The following ZDHHC3 variants were observed in gnomAD, a reference collection of about 807,000 sequenced individuals.
ZDHHC3 encodes zDHHC palmitoyltransferase 3.
ZDHHC3 carries 9 observed loss-of-function variants against 30.6 expected under a neutral mutation model. That is an observed-to-expected ratio of 0.29 (90% CI 0.18 to 0.51). The LOEUF (loss-of-function observed/expected upper bound fraction) is 0.51. Among genes scored for constraint, ZDHHC3 ranks in the 20% least tolerant of loss-of-function variants. The pLI is 0.97. For synonymous variants in ZDHHC3, 136 were observed against 140.2 expected (o/e 0.97, Z 0.21); for missense variants, 246 against 384.2 (o/e 0.64, Z 3.01).
rs1700875612 is a variant in ZDHHC3, at chr3:44,925,090, A to G, written c.*1599T>C. On this transcript the variant is annotated 3_prime_UTR_variant, in exon 7 of 7. Coordinates refer to ENST00000424952, the MANE Select transcript of ZDHHC3 (RefSeq NM_001135179.2). ...AGACAGAGCAATGAAACAAACACCC[A>G]ACCAGAGAAAACTCAAGTAGATTGT... 2 of 985,798 alleles carry G rather than the reference A, an allele frequency of 2.0e-6. No individual in the cohort carries two copies. Among genetic ancestry groups the G allele is most frequent in the Non-Finnish European group, 2.4e-6 (2 of 829,956 alleles). 61.1% of individuals were successfully genotyped at this position (985,798 alleles called of 1,614,324 possible).
Position 44,918,804 on chromosome 3 carries a change from TGTCGGCTG to T in ZDHHC3, c.*7877_*7884del. ...AGCTGTCAACTCACCTGCCTCTGGG[TGTCGGCTG>T]CAACTCAGCCACCAGGCCACAGAAA... On this transcript the variant is annotated 3_prime_UTR_variant, in exon 7 of 7. Coordinates refer to ENST00000424952, the MANE Select transcript of ZDHHC3 (RefSeq NM_001135179.2). The T allele has an allele frequency of 1.0e-6, 1 of 987,280 alleles. No homozygotes were observed. The highest frequency in any genetic ancestry group is 6.0e-5 in the Admixed American group (1 of 16,618). The allele number at this position is 987,280 out of a possible 1,614,324, so 61.2% of individuals were successfully genotyped here.
At position 44,923,445 on chromosome 3, in the gene ZDHHC3, G is replaced by C. The variant is rs75154391; in HGVS notation, c.*3244C>G. On this transcript the variant is annotated 3_prime_UTR_variant, in exon 7 of 7. Transcript: ENST00000424952. Reference sequence around the variant, plus strand: ...CTAAACGGTTTCTGCATTAGGGGACGGTGGATTCTAACTATTTAAGTGGCC... The same window carrying C: ...CTAAACGGTTTCTGCATTAGGGGACCGTGGATTCTAACTATTTAAGTGGCC... The C allele has an allele frequency of 8.1e-6, 8 of 985,312 alleles. No individual in the cohort carries two copies. The highest frequency in any genetic ancestry group is 9.6e-6 in the Non-Finnish European group (8 of 829,916). The allele number at this position is 985,312 out of a possible 1,614,324, so 61.0% of individuals were successfully genotyped here.
At chr3:44,975,768 T>TCACACACACACACACA (rs1392636735) in intron 1 of ZDHHC3, among the ~76,000 whole-genome samples, 165 bp downstream of exon 1, 33 of 140,868 alleles carry the variant, frequency 2.3e-4, no homozygotes, top group South Asian at 9.1e-4. Flanking sequence ...TCTCTCTCTC[T>TCACACACACACACACA]CTCTCACACA....
At chr3:44,941,757 TA>T (rs199887044) in intron 3 of ZDHHC3, among the ~76,000 whole-genome samples, 2,614 of 117,056 alleles carry the variant, frequency 0.022, 38 homozygotes, top group African/African-American at 0.057. Flanking sequence ...GCTGATGAGC[TA>T]AAAAAAAAAA....
Position 44,959,342 on chromosome 3 carries a change from G to C in ZDHHC3, c.95C>G (p.Pro32Arg), listed in dbSNP as rs1401930489. ...EKCVPPPYPG[P>R]VGTMWFIRDG... Reference sequence around the variant, plus strand: ...ACGGATAAACCACATGGTTCCCACAGGACCAGGGTAGGGGGGTGGGACACA... The same window carrying C: ...ACGGATAAACCACATGGTTCCCACACGACCAGGGTAGGGGGGTGGGACACA... The change falls in exon 2 of 7, where the codon CCT becomes CGT. Residue 32 changes from proline (P) to arginine (R), a missense_variant. Physicochemically the swap from Pro to Arg is moderately radical, Grantham distance 103. Coordinates refer to ENST00000424952, the MANE Select transcript of ZDHHC3 (RefSeq NM_001135179.2). This position sits in a 1 kb window ranked among gnomAD's most constrained non-coding sequence, Gnocchi z 4.3. The C allele has an allele frequency of 6.2e-7, 1 of 1,614,230 alleles. No homozygotes were observed. Among genetic ancestry groups the C allele is most frequent in the East Asian group, 2.2e-5 (1 of 44,884 alleles).
intron 1 of ZDHHC3, among the ~76,000 whole-genome samples, chr3:44,965,623 C>T (rs1172188460): frequency 1.3e-5 from 2 of 152,092 alleles, no homozygotes; most frequent in African/African-American, 4.8e-5. Context: ...GCAAAAAAAC[C>T]CAAAACAAAA....
At chr3:44,932,816 A>G (rs555708210) in intron 5 of ZDHHC3, 25 of 1,249,316 alleles carry the variant, frequency 2.0e-5, no homozygotes, top group African/African-American at 3.0e-5. Context: ...GCTCCCACGC[A>G]TTGGAACCGG....
At chr3:44,957,855 T>A (rs898878361) in intron 2 of ZDHHC3, among the ~76,000 whole-genome samples, 1 of 152,242 alleles carries the variant, frequency 6.6e-6, no homozygotes, top group Non-Finnish European at 1.5e-5. Flanking sequence ...AAGAACAGTA[T>A]CTGGGGCTTA....
rs376854964 is a variant in ZDHHC3, at chr3:44,926,119, G to A, written c.*570C>T. On this transcript the variant is annotated 3_prime_UTR_variant, in exon 7 of 7. Coordinates refer to ENST00000424952, the MANE Select transcript of ZDHHC3 (RefSeq NM_001135179.2). ...AGTACAAGGCAGGCAATTGCTTTGCGAGTTAGCAGGCAAACCGTGTCCACT... is the reference window on the plus strand; with the variant it reads ...AGTACAAGGCAGGCAATTGCTTTGCAAGTTAGCAGGCAAACCGTGTCCACT... 5.1e-6 allele frequency: 5 copies of A among 985,712 alleles called. No individual in the cohort carries two copies. The highest frequency in any genetic ancestry group is 4.7e-5 in the South Asian group (1 of 21,294). The allele number at this position is 985,712 out of a possible 1,614,324, so 61.1% of individuals were successfully genotyped here. A position where few individuals can be genotyped will look rare whatever the true frequency, so the allele number is the denominator to read the frequency against.
At chr3:44,948,911 C>T (rs983641586) in intron 2 of ZDHHC3, among the ~76,000 whole-genome samples, 5 of 152,220 alleles carry the variant, frequency 3.3e-5, no homozygotes, top group African/African-American at 1.2e-4. Context: ...ACGTGCTTCC[C>T]CACTGAGGAT....
intron 1 of ZDHHC3, among the ~76,000 whole-genome samples, 178 bp downstream of exon 1, chr3:44,975,754 TC>T (rs1705890312): frequency 7.7e-6 from 1 of 129,060 alleles, no homozygotes; most frequent in African/African-American, 4.0e-5. Flanking sequence ...GGGGTCTCTC[TC>T]TCTCTCTCTC....
At chr3:44,927,674 CTG>C (rs1404503316) in intron 6 of ZDHHC3, among the ~76,000 whole-genome samples, 1 of 152,248 alleles carries the variant, frequency 6.6e-6, no homozygotes, top group Non-Finnish European at 1.5e-5. Context: ...CAGGAAAAAA[CTG>C]GGGCTGGGGA....
chr3:44,950,836 G>A (rs925497490), intron 2 of ZDHHC3, among the ~76,000 whole-genome samples: 1 of 152,206 alleles, frequency 6.6e-6, no homozygotes, highest in African/African-American at 2.4e-5. Flanking sequence ...GGAGATTGAA[G>A]GCCTGAGACA....
At position 44,918,910 on chromosome 3, in the gene ZDHHC3, C is replaced by A. The variant is rs1700400140; in HGVS notation, c.*7779G>T. 2.0e-6 allele frequency: 2 copies of A among 985,750 alleles called. No homozygotes were observed. Among genetic ancestry groups the A allele is most frequent in the Non-Finnish European group, 2.4e-6 (2 of 830,196 alleles). 61.1% of individuals were successfully genotyped at this position (985,750 alleles called of 1,614,324 possible). On this transcript the variant is annotated 3_prime_UTR_variant, in exon 7 of 7. Coordinates refer to ENST00000424952, the MANE Select transcript of ZDHHC3 (RefSeq NM_001135179.2). ...GCCAGCTCTCCAGGCCCACAACACC[C>A]TGCACAGAGGCCTTTGACCCTCCAC...
At chr3:44,932,824 C>T (rs1276002159) in intron 5 of ZDHHC3, 9 of 1,337,638 alleles carry the variant, frequency 6.7e-6, no homozygotes, top group Admixed American at 3.5e-5. Context: ...GCATTGGAAC[C>T]GGCCTCTGTG....
chr3:44,922,124 G>A lies in ZDHHC3; in HGVS notation c.*4565C>T, dbSNP rs145010200. Reference sequence around the variant, plus strand: ...GTACGCTGGTCAGTGGCTTGTTTCTGCTTCACTGTGAATTCTTTCTCTTCT... The same window carrying A: ...GTACGCTGGTCAGTGGCTTGTTTCTACTTCACTGTGAATTCTTTCTCTTCT... On this transcript the variant is annotated 3_prime_UTR_variant, in exon 7 of 7. Coordinates refer to ENST00000424952, the MANE Select transcript of ZDHHC3 (RefSeq NM_001135179.2). 6.1e-6 allele frequency: 6 copies of A among 985,412 alleles called. No homozygotes were observed. The East Asian group carries it at 6.8e-4, about 112-fold the overall frequency. 61.0% of individuals were successfully genotyped at this position (985,412 alleles called of 1,614,324 possible). A position where few individuals can be genotyped will look rare whatever the true frequency, so the allele number is the denominator to read the frequency against.
At chr3:44,975,504 C>T (rs1705844393) in intron 1 of ZDHHC3, 1 of 152,114 alleles carries the variant, frequency 6.6e-6, no homozygotes, top group South Asian at 2.1e-4. Context: ...GAGGTCCCAG[C>T]AAGGTAATGG....
At chr3:44,943,706 A>G (rs986546248) in intron 3 of ZDHHC3, among the ~76,000 whole-genome samples, 1 of 152,218 alleles carries the variant, frequency 6.6e-6, no homozygotes, top group Non-Finnish European at 1.5e-5. Flanking sequence ...GTAATTCAGC[A>G]TGTAAAGTTT....
rs1013117951 is a variant in ZDHHC3 at position 44,920,146 on chromosome 3, T to C, written c.*6543A>G. On this transcript the variant is annotated 3_prime_UTR_variant, in exon 7 of 7. Coordinates refer to ENST00000424952, the MANE Select transcript of ZDHHC3 (RefSeq NM_001135179.2). ...GTTACTTTTATAATCAGAACAAAAATAGTTGTTTCAGAAAATGGATCTTGT... is the reference window on the plus strand; with the variant it reads ...GTTACTTTTATAATCAGAACAAAAACAGTTGTTTCAGAAAATGGATCTTGT... The C allele has an allele frequency of 3.2e-6, 4 of 1,264,686 alleles. No homozygotes were observed. Among genetic ancestry groups the C allele is most frequent in the South Asian group, 2.5e-5 (2 of 79,612 alleles). 78.3% of individuals were successfully genotyped at this position (1,264,686 alleles called of 1,614,324 possible).
Sources: allele counts gnomAD v4.1 joint callset (sites outside exome capture counted in the v4.1 genomes callset), GRCh38; gene constraint gnomAD v4.1.1; non-coding constraint Gnocchi (gnomAD v3.1); transcripts MANE v1.5; gene names NCBI Gene and HGNC (gene_info 2026-07-23, HGNC 2026-07-21).